TSHZ2: variants seen among roughly 807,000 people sequenced by gnomAD.
TSHZ2 encodes the protein teashirt homolog 2.
TSHZ2 carries 21 observed loss-of-function variants against 74.4 expected under a neutral mutation model. The ratio of observed to expected loss-of-function variants is 0.28; its 90% CI spans 0.20 to 0.41. The LOEUF is 0.41. Ranked by LOEUF, TSHZ2 falls within the 10% of genes least tolerant of loss-of-function variation. The probability of loss-of-function intolerance (pLI) is 1.00; values close to 1 mark genes in which losing one functional copy is unlikely to be tolerated. For synonymous variants in TSHZ2, 540 were observed against 515.3 expected (o/e 1.05, Z -0.65); for missense variants, 1,244 against 1,293.5 (o/e 0.96, Z 0.59).
intron 1 of TSHZ2, among the ~76,000 whole-genome samples, chr20:53,015,347 C>T (rs1453967344): frequency 6.6e-6 from 1 of 152,176 alleles, no homozygotes; most frequent in Admixed American, 6.5e-5. Context: ...ATTTGCATCC[C>T]AGAGGACATT....
At chr20:53,129,584 A>G (rs1023157837) in intron 1 of TSHZ2, among the ~76,000 whole-genome samples, 5 of 152,210 alleles carry the variant, frequency 3.3e-5, no homozygotes, top group Non-Finnish European at 7.3e-5. Flanking sequence ...TTACATTGTT[A>G]TGATACAATT....
intron 2 of TSHZ2, among the ~76,000 whole-genome samples, chr20:53,431,456 CAA>C (rs58938803): frequency 4.1e-3 from 554 of 134,510 alleles, no homozygotes; most frequent in Middle Eastern, 0.019. Context: ...AACTCTGTCT[CAA>C]AAAAAAAAAA....
At chr20:53,198,889 C>A (rs1988934502) in intron 1 of TSHZ2, among the ~76,000 whole-genome samples, 1 of 152,130 alleles carries the variant, frequency 6.6e-6, no homozygotes, top group Admixed American at 6.5e-5. Flanking sequence ...ATTAATGACA[C>A]TAGAAAATAA....
At chr20:53,386,770 C>T (rs1222454035) in intron 2 of TSHZ2, among the ~76,000 whole-genome samples, 1 of 152,054 alleles carries the variant, frequency 6.6e-6, no homozygotes, top group African/African-American at 2.4e-5. Context: ...GGAATGTTTA[C>T]AACTAATCAC....
chr20:53,035,314 A>G (rs1310205042), intron 1 of TSHZ2, among the ~76,000 whole-genome samples: 1 of 152,212 alleles, frequency 6.6e-6, no homozygotes, highest in Non-Finnish European at 1.5e-5. Flanking sequence ...GACTCCCAGT[A>G]GAGGTGAAAT....
chr20:53,044,721 G>GT (rs1568733727), intron 1 of TSHZ2, among the ~76,000 whole-genome samples: 1 of 152,040 alleles, frequency 6.6e-6, no homozygotes, highest in Admixed American at 6.6e-5. Context: ...TTCTTTGTTT[G>GT]TTTTTAGACA....
At chr20:53,073,714 GAA>G (rs1488636318) in intron 1 of TSHZ2, among the ~76,000 whole-genome samples, 1 of 151,992 alleles carries the variant, frequency 6.6e-6, no homozygotes, top group Admixed American at 6.6e-5. Context: ...TTTGATAGTT[GAA>G]AAGAGTGGTT....
At chr20:53,119,538 G>A (rs1986756153) in intron 1 of TSHZ2, among the ~76,000 whole-genome samples, 1 of 152,140 alleles carries the variant, frequency 6.6e-6, no homozygotes, top group African/African-American at 2.4e-5. Context: ...ACATATGACT[G>A]TTGAATGCTG....
Position 53,333,992 on chromosome 20 carries a change from A to T in TSHZ2, c.*8+77421A>T, listed in dbSNP as rs2741357. Among the ~76,000 whole-genome samples, 1,335 of 152,322 alleles carry T rather than the reference A, an allele frequency of 8.8e-3. 5 individuals are homozygous for T. The highest frequency in any genetic ancestry group is 0.014 in the Non-Finnish European group (942 of 68,030). ...CAGATTGGTGCACATGATATTTGCAATGTTCTGGAATTAGTGGCCAAAGTC... is the reference window on the plus strand; with the variant it reads ...CAGATTGGTGCACATGATATTTGCATTGTTCTGGAATTAGTGGCCAAAGTC... On this transcript the variant is annotated intron_variant, in intron 2 of 2. Transcript: ENST00000371497.
At chr20:53,022,264 A>G (rs1367473789) in intron 1 of TSHZ2, among the ~76,000 whole-genome samples, 2 of 152,232 alleles carry the variant, frequency 1.3e-5, no homozygotes, top group African/African-American at 4.8e-5. Flanking sequence ...AGTCCCTTAC[A>G]TAAGGTACAT....
chr20:53,302,328 G>A (rs1175741150), intron 2 of TSHZ2, among the ~76,000 whole-genome samples: 1 of 152,182 alleles, frequency 6.6e-6, no homozygotes, highest in Non-Finnish European at 1.5e-5. Context: ...AGAAAGCCAT[G>A]AAATTCTCTA....
chr20:53,309,045 T>C (rs1251600637), intron 2 of TSHZ2, among the ~76,000 whole-genome samples: 2 of 152,180 alleles, frequency 1.3e-5, no homozygotes, highest in Non-Finnish European at 2.9e-5. Context: ...CAAGGTTTGT[T>C]CGCCAACAGG....
rs556895494 is a variant in TSHZ2, at chr20:53,493,423, C to G, written c.*6288C>G. 3 of 152,368 alleles carry G rather than the reference C, an allele frequency of 2.0e-5. No homozygotes were observed. The East Asian group carries it at 5.8e-4, about 29-fold the overall frequency. 9.4% of individuals were successfully genotyped at this position (152,368 alleles called of 1,614,324 possible). On this transcript the variant is annotated 3_prime_UTR_variant, in exon 3 of 3. Coordinates refer to ENST00000371497, the MANE Select transcript of TSHZ2 (RefSeq NM_173485.6). ...TACCCCCATGGGAAAACTGCACACT[C>G]ATCCATGTAGAATTATTCTCTTTGT...
intron 1 of TSHZ2, among the ~76,000 whole-genome samples, chr20:53,099,944 T>G (rs1055625124): frequency 1.3e-5 from 2 of 152,184 alleles, no homozygotes; most frequent in African/African-American, 4.8e-5. Flanking sequence ...ATCATGATAA[T>G]GGGGATCTGT....
intron 2 of TSHZ2, among the ~76,000 whole-genome samples, chr20:53,269,933 CT>C (rs1220632392): frequency 4.6e-5 from 7 of 152,046 alleles, no homozygotes; most frequent in Non-Finnish European, 1.0e-4. Context: ...TCTTTTAATC[CT>C]TTTTTATATA....
At chr20:53,379,731 CCATGGGGAGAAAAGTCAA>C (rs1981790269) in intron 2 of TSHZ2, among the ~76,000 whole-genome samples, 1 of 151,952 alleles carries the variant, frequency 6.6e-6, no homozygotes, top group South Asian at 2.1e-4. Context: ...ACCTTTGACA[CCATGGGGAGAAAAGTCAA>C]AACAACCCCA....
rs1437610462 is a variant in TSHZ2, at chr20:53,493,546, T to G, written c.*6411T>G. The G allele has an allele frequency of 6.6e-6, 1 of 152,258 alleles. No homozygotes were observed. The highest frequency in any genetic ancestry group is 2.4e-5 in the African/African-American group (1 of 41,472). 9.4% of individuals were successfully genotyped at this position (152,258 alleles called of 1,614,324 possible). A position where few individuals can be genotyped will look rare whatever the true frequency, so the allele number is the denominator to read the frequency against. ...AAACATTAGCTTAATTTTGTTTTTA[T>G]GACCTCAAGATTCTTCTCCTTATTT... On this transcript the variant is annotated 3_prime_UTR_variant, in exon 3 of 3. Coordinates refer to ENST00000371497, the MANE Select transcript of TSHZ2 (RefSeq NM_173485.6).
intron 2 of TSHZ2, among the ~76,000 whole-genome samples, chr20:53,435,087 G>A (rs902197340): frequency 6.6e-5 from 10 of 152,198 alleles, no homozygotes; most frequent in African/African-American, 9.7e-5. Context: ...GGAAGCTTTC[G>A]GAATCAGAAA....
intron 1 of TSHZ2, among the ~76,000 whole-genome samples, chr20:53,161,130 C>CAAAAAAAAAAAAAAAAAAAAAAAA (rs368626161): frequency 4.4e-5 from 3 of 67,978 alleles, no homozygotes; most frequent in African/African-American, 6.1e-5. Context: ...TTATTTTCAG[C>CAAAAAAAAAAAAAAAAAAAAAAAA]AAAAAAAAAA....
Sources: allele counts gnomAD v4.1 joint callset (sites outside exome capture counted in the v4.1 genomes callset), GRCh38; gene constraint gnomAD v4.1.1; transcripts MANE v1.5; gene names NCBI Gene and HGNC (gene_info 2026-07-23, HGNC 2026-07-21).